FREM2: variants seen among roughly 807,000 people sequenced by gnomAD.
FREM2 encodes FRAS1 related extracellular matrix 2.
A neutral mutation model predicts 219.9 loss-of-function variants in FREM2; 119 were observed. That is an observed-to-expected ratio of 0.54 (90% CI 0.47 to 0.63). FREM2 has a LOEUF of 0.63. Among genes scored for constraint, FREM2 ranks in the 30% least tolerant of loss-of-function variants. FREM2 has a pLI of 0.00. For missense variants in FREM2, 4,030 were observed against 3,993.6 expected (o/e 1.01, Z -0.25); for synonymous variants, 1,562 against 1,522.8 (o/e 1.03, Z -0.60).
chr13:38,850,221 T>C lies in FREM2; in HGVS notation c.6563T>C (p.Ile2188Thr), dbSNP rs1210142441. The change falls in exon 9 of 24, where the codon ATC becomes ACC. Residue 2188 changes from isoleucine to threonine, a missense_variant. This residue lies in a region of FREM2 where 3,102 missense variants were observed against 2,950.7 expected (regional missense o/e 1.05). Coordinates refer to ENST00000280481, the MANE Select transcript of FREM2 (RefSeq NM_207361.6). ...CGCCCAAACACTGATACCTCCATCATCACATTCCTCCCTGGTAAGCTTGAA... is the reference window on the plus strand; with the variant it reads ...CGCCCAAACACTGATACCTCCATCACCACATTCCTCCCTGGTAAGCTTGAA... ...EERPNTDTSIITFLPGETEKP... is the reference protein window; with the variant it reads ...EERPNTDTSITTFLPGETEKP... 1 of 1,613,828 alleles carries C rather than the reference T, an allele frequency of 6.2e-7. No homozygotes were observed. The highest frequency in any genetic ancestry group is 1.1e-5 in the South Asian group (1 of 91,078).
chr13:38,699,644 C>T (rs1303102293), intron 2 of FREM2, among the ~76,000 whole-genome samples: 1 of 151,928 alleles, frequency 6.6e-6, no homozygotes, highest in Non-Finnish European at 1.5e-5. Context: ...CATAACATTA[C>T]CTATGGAGCT....
At position 38,687,120 on chromosome 13, in the gene FREM2, G is replaced by T; in HGVS notation, c.-225G>T. ...TTCTCCGCGCGATTGAGGCGCTAGC[G>T]GCGGAGCTGGACGGCCTGGGAAGGC... On this transcript the variant is annotated 5_prime_UTR_variant, in exon 1 of 24. Coordinates refer to ENST00000280481, the MANE Select transcript of FREM2 (RefSeq NM_207361.6). The T allele has an allele frequency of 1.7e-6, 1 of 599,634 alleles. No homozygotes were observed. The highest frequency in any genetic ancestry group is 2.1e-5 in the South Asian group (1 of 47,712). 37.1% of individuals were successfully genotyped at this position (599,634 alleles called of 1,614,324 possible).
Position 38,848,440 on chromosome 13 carries a change from A to G in FREM2, c.6170-21A>G, listed in dbSNP as rs1566165205. On this transcript the variant is annotated intron_variant, in intron 7 of 23. Coordinates refer to ENST00000280481, the MANE Select transcript of FREM2 (RefSeq NM_207361.6). ...AAATTTAATTAGTCCCCAACTGAAT[A>G]TTTTTTTGTTACTGTCATAGCTGGA... 4.5e-6 allele frequency: 7 copies of G among 1,569,590 alleles called. No individual in the cohort carries two copies. In the South Asian group the frequency reaches 7.8e-5, roughly 17 times the overall value.
At position 38,886,325 on chromosome 13, in the gene FREM2, A is replaced by C. The variant is rs1040618293; in HGVS notation, c.*5538A>C. The C allele has an allele frequency of 6.6e-6, 1 of 151,284 alleles. No homozygotes were observed. The highest frequency in any genetic ancestry group is 1.5e-5 in the Non-Finnish European group (1 of 67,996). 9.4% of individuals were successfully genotyped at this position (151,284 alleles called of 1,614,324 possible). A position where few individuals can be genotyped will look rare whatever the true frequency, so the allele number is the denominator to read the frequency against. Reference sequence around the variant, plus strand: ...AGGAATTCAAATGCAAGTTGTTGGCAAAATATATATATACACACACACACA... The same window carrying C: ...AGGAATTCAAATGCAAGTTGTTGGCCAAATATATATATACACACACACACA... On this transcript the variant is annotated 3_prime_UTR_variant, in exon 24 of 24. Transcript: ENST00000280481.
chr13:38,705,158 A>T (rs952056455), intron 2 of FREM2, among the ~76,000 whole-genome samples: 4 of 152,174 alleles, frequency 2.6e-5, no homozygotes, highest in African/African-American at 7.2e-5. Context: ...GGGAAACAGG[A>T]AGATTGACAT....
Position 38,691,300 on chromosome 13 carries a change from C to T in FREM2, c.3956C>T (p.Thr1319Ile). 6.2e-7 allele frequency: 1 copy of T among 1,613,842 alleles called. No individual in the cohort carries two copies. The highest frequency in any genetic ancestry group is 8.5e-7 in the Non-Finnish European group (1 of 1,179,842). ...GGACTAGAAATAGAAATTGGGGATA[C>T]CAAGATTATCAACAACAAAATATTA... ...NNGLEIEIGDTKIINNKILMA... is the reference protein window; with the variant it reads ...NNGLEIEIGDIKIINNKILMA... The change falls in exon 1 of 24, where the codon ACC becomes ATC. Residue 1319 changes from threonine (T) to isoleucine (I), a missense_variant. Physicochemically the swap from Thr to Ile is moderately conservative, Grantham distance 89. Coordinates refer to ENST00000280481, the MANE Select transcript of FREM2 (RefSeq NM_207361.6).
chr13:38,758,106 G>A (rs549658644), intron 2 of FREM2, among the ~76,000 whole-genome samples: 15 of 152,166 alleles, frequency 9.9e-5, no homozygotes, highest in South Asian at 6.2e-4. Flanking sequence ...GTCATCCCTC[G>A]GTGCCTGAGT....
intron 16 of FREM2, among the ~76,000 whole-genome samples, chr13:38,871,999 AG>A (rs1423135955): frequency 6.6e-6 from 1 of 152,218 alleles, no homozygotes; most frequent in Non-Finnish European, 1.5e-5. Context: ...TTAATAAAAA[AG>A]TAGCTCATAG....
chr13:38,809,480 A>T (rs1875389405), intron 6 of FREM2, among the ~76,000 whole-genome samples: 1 of 152,034 alleles, frequency 6.6e-6, no homozygotes, highest in Non-Finnish European at 1.5e-5. Flanking sequence ...TAAGTCTTTA[A>T]TCCATTTTTA....
intron 2 of FREM2, among the ~76,000 whole-genome samples, chr13:38,733,976 T>C (rs1871874812): frequency 6.6e-6 from 1 of 151,984 alleles, no homozygotes; most frequent in Non-Finnish European, 1.5e-5. Flanking sequence ...CAGAAAAAAA[T>C]AGTTCACTTA....
At chr13:38,779,405 AG>A (rs1482403499) in intron 4 of FREM2, 1 of 130,228 alleles carries the variant, frequency 7.7e-6, no homozygotes, top group East Asian at 2.2e-4. Context: ...TTTTAAAAAA[AG>A]AATATTAAAA....
Position 38,859,506 on chromosome 13 carries a change from C to A in FREM2, c.7435C>A (p.Gln2479Lys), listed in dbSNP as rs192016977. 4 of 1,614,060 alleles carry A rather than the reference C, an allele frequency of 2.5e-6. No homozygotes were observed. The highest frequency in any genetic ancestry group is 2.5e-6 in the Non-Finnish European group (3 of 1,179,996). ...ATACTTTCAGCCTGGCTCCCGGGTACAGTGCGCAGCTCGTGCTGTGAACAC... is the reference window on the plus strand; with the variant it reads ...ATACTTTCAGCCTGGCTCCCGGGTAAAGTGCGCAGCTCGTGCTGTGAACAC... ...SIYFQPGSRV[Q>K]CAARAVNTNG... Residue 2479 changes from glutamine to lysine, a missense_variant, in exon 14 of 24, where the codon CAG becomes AAG. Gln to Lys is a moderately conservative substitution (Grantham distance 53, BLOSUM62 1). Coordinates refer to ENST00000280481, the MANE Select transcript of FREM2 (RefSeq NM_207361.6).
chr13:38,863,637 G>C (rs1005167569), intron 15 of FREM2, among the ~76,000 whole-genome samples: 1 of 152,088 alleles, frequency 6.6e-6, no homozygotes, highest in East Asian at 1.9e-4. Context: ...TGGATTCTCT[G>C]CTTCTGCATT....
chr13:38,856,045 TAAAAAAAAAA>T, intron 11 of FREM2, 71 bp from the exon 12 acceptor site: 1 of 601,376 alleles, frequency 1.7e-6, no homozygotes, highest in Non-Finnish European at 2.7e-6. Flanking sequence ...TAGGCCACAG[TAAAAAAAAAA>T]AAAAAAAAAA....
At chr13:38,815,923 A>G (rs1264862569) in intron 6 of FREM2, among the ~76,000 whole-genome samples, 1 of 152,186 alleles carries the variant, frequency 6.6e-6, no homozygotes, top group African/African-American at 2.4e-5. Context: ...CTGATATTGA[A>G]ACCAAATTTC....
At chr13:38,823,289 G>T (rs537787560) in intron 6 of FREM2, among the ~76,000 whole-genome samples, 2 of 151,892 alleles carry the variant, frequency 1.3e-5, no homozygotes, top group Non-Finnish European at 2.9e-5. Context: ...TAGCTAGGCC[G>T]CCTGCTTCCA....
chr13:38,859,575 A>G lies in FREM2; in HGVS notation c.7504A>G (p.Ile2502Val). 17 of 1,613,898 alleles carry G rather than the reference A, an allele frequency of 1.1e-5. No individual in the cohort carries two copies. Among genetic ancestry groups the G allele is most frequent in the Non-Finnish European group, 1.4e-5 (17 of 1,179,976 alleles). The change falls in exon 14 of 24, where the codon ATC (isoleucine) becomes GTC (valine). Residue 2502 changes from isoleucine to valine, a missense_variant. Around this residue, in one of 2 missense-constraint regions of FREM2, gnomAD observed 928 missense variants for 1,042.9 expected, o/e 0.89. Coordinates refer to ENST00000280481, the MANE Select transcript of FREM2 (RefSeq NM_207361.6). ...GLELMSPIVT[I>V]SREEGLCQPR... Reference sequence around the variant, plus strand: ...GGAGCTCATGAGCCCTATTGTAACCATCAGCAGAGAAGAAGGTCAGTCATT... The same window carrying G: ...GGAGCTCATGAGCCCTATTGTAACCGTCAGCAGAGAAGAAGGTCAGTCATT...
Position 38,872,827 on chromosome 13 carries a change from G to T in FREM2, c.8069G>T (p.Gly2690Val). ...TTCCATTCCCCCGTGGGGGTAGGAG[G>T]CTGGCAGCATTTTGACTTGAAGTCA... ...YVFHSPVGVG[G>V]WQHFDLKSEL... The change falls in exon 17 of 24, where the codon GGC (glycine) becomes GTC (valine). Residue 2690 changes from glycine (G) to valine (V), a missense_variant. Gly to Val is a moderately radical substitution (Grantham distance 109). Transcript: ENST00000280481. 1 of 1,614,034 alleles carries T rather than the reference G, an allele frequency of 6.2e-7. No homozygotes were observed. Among genetic ancestry groups the T allele is most frequent in the Non-Finnish European group, 8.5e-7 (1 of 1,179,924 alleles).
chr13:38,794,010 C>T lies in FREM2; in HGVS notation c.6019+9202C>T, dbSNP rs144724203. 5.3e-5 allele frequency among the ~76,000 whole-genome samples: 8 copies of T among 152,196 alleles called. No homozygotes were observed. In the East Asian group the frequency reaches 9.7e-4, roughly 18 times the overall value. ...AGAAATGCCTGCTTGACTTCAAATG[C>T]GGGATATCAAATAGGCAACTGAAGA... On this transcript the variant is annotated intron_variant, in intron 6 of 23. Transcript: ENST00000280481.
Sources: gnomAD v4.1 joint callset for allele counts (sites outside exome capture counted in the v4.1 genomes callset) on GRCh38, gnomAD v4.1.1 for gene constraint, gnomAD v4.1.1 regional missense constraint, MANE v1.5 for transcripts, NCBI Gene and HGNC (gene_info 2026-07-23, HGNC 2026-07-21) for gene names.